Variants in HYAL4 observed in about 807,000 individuals in gnomAD.
HYAL4 encodes hyaluronidase 4, also known as hyaluronidase-4.
A neutral mutation model predicts 35.2 loss-of-function variants in HYAL4; 37 were observed. The observed-to-expected ratio is 1.05, with a 90% confidence interval of 0.81 to 1.38. HYAL4 has a LOEUF of 1.38. HYAL4 is among the 40% of genes most tolerant of loss of function. The probability of loss-of-function intolerance (pLI) is 0.00; values close to 1 mark genes in which losing one functional copy is unlikely to be tolerated. For synonymous variants in HYAL4, 198 were observed against 203.2 expected (o/e 0.97, Z 0.22); for missense variants, 572 against 572.4 (o/e 1.00, Z 0.01).
At chr7:123,843,943 C>T (rs1289962597), upstream of HYAL4, among the ~76,000 whole-genome samples, 2 of 151,920 alleles carry the variant, frequency 1.3e-5, no homozygotes, top group Non-Finnish European at 1.5e-5. Context: ...GATTCAAACA[C>T]CCTTCTTTAG....
At chr7:123,820,881 C>T in the HYAL4 span, among the ~76,000 whole-genome samples, 4 of 152,168 alleles carry the variant, frequency 2.6e-5, no homozygotes, top group Non-Finnish European at 2.9e-5. Context: ...TTAGATACCT[C>T]GTAAGTAGAA....
the HYAL4 span, among the ~76,000 whole-genome samples, chr7:123,779,967 G>C: frequency 2.0e-5 from 3 of 152,052 alleles, no homozygotes; most frequent in African/African-American, 7.2e-5. Context: ...TAAAATTATT[G>C]CATTTTTGGA....
At chr7:123,850,826 G>A (rs1212193980) in intron 2 of HYAL4, among the ~76,000 whole-genome samples, 2 of 152,104 alleles carry the variant, frequency 1.3e-5, no homozygotes, top group African/African-American at 4.8e-5. Flanking sequence ...ATTCCAGAAC[G>A]ACCTTATTGC....
At chr7:123,783,409 A>G in the HYAL4 span, among the ~76,000 whole-genome samples, 3 of 152,344 alleles carry the variant, frequency 2.0e-5, no homozygotes, top group East Asian at 5.8e-4. Context: ...TAGTGGTGGA[A>G]CACACATGAT....
At chr7:123,834,785 A>ATT (rs1429957400) in intron 1 of HYAL4, among the ~76,000 whole-genome samples, 2 of 152,218 alleles carry the variant, frequency 1.3e-5, no homozygotes, top group Non-Finnish European at 2.9e-5. Context: ...AGTTTTAATC[A>ATT]TAAAGGGACA....
the HYAL4 span, among the ~76,000 whole-genome samples, chr7:123,821,045 A>T: frequency 6.6e-6 from 1 of 152,222 alleles, no homozygotes; most frequent in South Asian, 2.1e-4. Flanking sequence ...TTATTCATTT[A>T]TCTGTCAACA....
At chr7:123,820,308 C>G in the HYAL4 span, among the ~76,000 whole-genome samples, 6 of 152,058 alleles carry the variant, frequency 3.9e-5, no homozygotes, top group African/African-American at 1.4e-4. Context: ...GGCACGGTGG[C>G]TCACGCCTGT....
chr7:123,798,023 G>A, the HYAL4 span, among the ~76,000 whole-genome samples: 2 of 152,174 alleles, frequency 1.3e-5, no homozygotes, highest in Non-Finnish European at 2.9e-5. Flanking sequence ...ACCAGAGGGT[G>A]CTACTTCCTT....
At position 123,857,661 on chromosome 7, in the gene HYAL4, CTTTGTTTG is replaced by C. The variant is rs55760125; in HGVS notation, c.-52+9507_-52+9514del. Among the ~76,000 whole-genome samples, 88 of 88,296 alleles carry C rather than the reference CTTTGTTTG, an allele frequency of 1.0e-3. 2 individuals are homozygous for C. Among genetic ancestry groups the C allele is most frequent in the African/African-American group, 3.2e-3 (80 of 25,288 alleles). 57.9% of individuals were successfully genotyped at this position (88,296 alleles called of 152,430 possible). A position where few individuals can be genotyped will look rare whatever the true frequency, so the allele number is the denominator to read the frequency against. ...GCCAGCTGCCTTTCTTTGTTTCTTT[CTTTGTTTG>C]TTTCTTTCTTTCTTTCTTTCTTTCT... is the stretch of plus-strand genomic sequence containing the variant. On this transcript the variant is annotated intron_variant, in intron 2 of 4. Transcript: ENST00000223026.
At chr7:123,876,647 T>TAG in intron 4 of HYAL4, 107 bp from the exon 5 acceptor site, 1 of 1,187,482 alleles carries the variant, frequency 8.4e-7, no homozygotes, top group African/African-American at 1.5e-5. Flanking sequence ...AGAACTGTGC[T>TAG]AGAAGCTCTA....
intron 2 of HYAL4, among the ~76,000 whole-genome samples, chr7:123,853,278 G>A (rs1806353472): frequency 6.6e-6 from 1 of 152,164 alleles, no homozygotes; most frequent in South Asian, 2.1e-4. Context: ...TGTTGAATAG[G>A]AGTGGTAAGA....
chr7:123,812,263 T>C, the HYAL4 span, among the ~76,000 whole-genome samples: 1 of 152,186 alleles, frequency 6.6e-6, no homozygotes, highest in Admixed American at 6.5e-5. Flanking sequence ...TGTGTGTATA[T>C]ATGTATGCAT....
chr7:123,874,254 A>G lies in HYAL4; in HGVS notation c.955-507A>G, dbSNP rs549254681. 1.1e-3 allele frequency among the ~76,000 whole-genome samples: 166 copies of G among 152,296 alleles called. 2 individuals carry two copies. The Middle Eastern group carries it at 0.027, about 25-fold the overall frequency. On this transcript the variant is annotated intron_variant, in intron 3 of 4. Transcript: ENST00000223026. ...TCTTTAAAAATATTTATGTTTTTGCATATGATTACAGAGTGTGATTTTTGA... is the reference window on the plus strand; with the variant it reads ...TCTTTAAAAATATTTATGTTTTTGCGTATGATTACAGAGTGTGATTTTTGA...
the HYAL4 span, among the ~76,000 whole-genome samples, chr7:123,804,057 T>A: frequency 6.6e-6 from 1 of 152,322 alleles, no homozygotes; most frequent in East Asian, 1.9e-4. Context: ...ATACTAGAGT[T>A]CACAATTTAC....
intron 3 of HYAL4, among the ~76,000 whole-genome samples, chr7:123,869,476 G>T (rs149983230): frequency 6.6e-6 from 1 of 152,088 alleles, no homozygotes; most frequent in South Asian, 2.1e-4. Context: ...TACCAGCAAC[G>T]ACTACATTTC....
chr7:123,858,602 T>C, intron 2 of HYAL4, among the ~76,000 whole-genome samples: 1 of 152,112 alleles, frequency 6.6e-6, no homozygotes, highest in East Asian at 1.9e-4. Flanking sequence ...ATTTATAAAT[T>C]AGAATTTAAG....
chr7:123,778,179 A>G, the HYAL4 span, among the ~76,000 whole-genome samples: 1 of 151,602 alleles, frequency 6.6e-6, no homozygotes, highest in African/African-American at 2.4e-5. Flanking sequence ...CTATCTATCT[A>G]TCTATCTATC....
the HYAL4 span, among the ~76,000 whole-genome samples, chr7:123,786,491 C>T: frequency 1.3e-5 from 2 of 152,018 alleles, no homozygotes; most frequent in Admixed American, 6.5e-5. Context: ...ACAATGACTC[C>T]TTGATTCTAG....
At chr7:123,822,724 T>A in the HYAL4 span, among the ~76,000 whole-genome samples, 4 of 152,114 alleles carry the variant, frequency 2.6e-5, no homozygotes, top group African/African-American at 9.7e-5. Context: ...TTTGAGAAGC[T>A]GAGGGATGAA....
Sources: allele counts gnomAD v4.1 joint callset (sites outside exome capture counted in the v4.1 genomes callset), GRCh38; gene constraint gnomAD v4.1.1; transcripts MANE v1.5; gene names NCBI Gene and HGNC (gene_info 2026-07-23, HGNC 2026-07-21).